The following CSMD1 variants were observed in gnomAD, a reference collection of about 807,000 sequenced individuals.
CSMD1 encodes the protein CUB and sushi domain-containing protein 1.
A neutral mutation model predicts 417.5 loss-of-function variants in CSMD1; 213 were observed. The ratio of observed to expected loss-of-function variants is 0.51; its 90% confidence interval spans 0.46 to 0.57. The LOEUF (loss-of-function observed/expected upper bound fraction) is 0.57, where lower values mean the gene tolerates loss of function less well. Ranked by LOEUF, CSMD1 falls within the 20% of genes least tolerant of loss-of-function variation. CSMD1 has a pLI of 0.00. For missense variants in CSMD1, 6,923 were observed against 4,529.7 expected (o/e 1.53, Z -15.17); for synonymous variants, 2,862 against 1,736.8 (o/e 1.65, Z -16.11).
In CSMD1 at chr8:4,389,579, A is replaced by C. The variant is rs931203480; in HGVS notation, c.415+30374T>G. On this transcript the variant is annotated intron_variant, in intron 3 of 69. Coordinates refer to ENST00000635120, the MANE Select transcript of CSMD1 (RefSeq NM_033225.6). The stretch of plus-strand genomic sequence containing the variant: ...TTTATCAAAAGAACAAGAGATGTTT[A>C]AGAAATAAAACATTTCAAGTGAAGT... Among the ~76,000 whole-genome samples, 9 of 152,318 alleles carry C rather than the reference A, an allele frequency of 5.9e-5. No homozygotes were observed. The South Asian group carries it at 1.2e-3, about 21-fold the overall frequency.
intron 3 of CSMD1, among the ~76,000 whole-genome samples, chr8:4,303,250 C>G (rs1313504869): frequency 1.3e-5 from 2 of 152,044 alleles, no homozygotes; most frequent in African/African-American, 4.8e-5. Flanking sequence ...ATTCTCTACT[C>G]TCATGAAATA....
chr8:4,352,420 T>C (rs1254645722), intron 3 of CSMD1, among the ~76,000 whole-genome samples: 3 of 152,230 alleles, frequency 2.0e-5, no homozygotes, highest in Admixed American at 6.5e-5. Flanking sequence ...CCAGTATAAA[T>C]ATTTCCTTTT....
At chr8:4,433,567 C>T (rs1464516996) in intron 2 of CSMD1, among the ~76,000 whole-genome samples, 1 of 152,114 alleles carries the variant, frequency 6.6e-6, no homozygotes, top group Non-Finnish European at 1.5e-5. Flanking sequence ...ACATGTGCTG[C>T]AACAGAGAGA....
intron 26 of CSMD1, among the ~76,000 whole-genome samples, chr8:3,247,060 G>A (rs547485275): frequency 8.7e-4 from 132 of 152,142 alleles, no homozygotes; most frequent in African/African-American, 3.1e-3. Flanking sequence ...AAGATCTAAG[G>A]GCAGAAGTGA....
intron 10 of CSMD1, among the ~76,000 whole-genome samples, chr8:3,497,964 C>T (rs531966360): frequency 7.2e-5 from 11 of 152,184 alleles, no homozygotes; most frequent in Non-Finnish European, 1.3e-4. Context: ...CTCCCATAAG[C>T]ATTTCTTGTA....
chr8:4,460,029 C>G (rs980385852), intron 2 of CSMD1, among the ~76,000 whole-genome samples: 1 of 152,134 alleles, frequency 6.6e-6, no homozygotes, highest in Non-Finnish European at 1.5e-5. Flanking sequence ...AATGAACAGA[C>G]ATCTACAGAA....
At chr8:3,777,418 G>A (rs1056857899) in intron 5 of CSMD1, among the ~76,000 whole-genome samples, 1 of 152,094 alleles carries the variant, frequency 6.6e-6, no homozygotes, top group African/African-American at 2.4e-5. Flanking sequence ...TGCACCTGGG[G>A]CATCCTGTCA....
intron 3 of CSMD1, among the ~76,000 whole-genome samples, chr8:4,236,430 C>T (rs1236170331): frequency 6.6e-6 from 1 of 152,140 alleles, no homozygotes; most frequent in Non-Finnish European, 1.5e-5. Flanking sequence ...TTTTCTCCTA[C>T]ACCCCGGGTA....
chr8:4,376,034 T>C (rs1282828128), intron 3 of CSMD1, among the ~76,000 whole-genome samples: 1 of 152,162 alleles, frequency 6.6e-6, no homozygotes, highest in Non-Finnish European at 1.5e-5. Context: ...TGCCCGTCTT[T>C]AAGTCTTGAT....
chr8:4,176,338 A>G (rs1668197417), intron 3 of CSMD1, among the ~76,000 whole-genome samples: 1 of 152,060 alleles, frequency 6.6e-6, no homozygotes. Flanking sequence ...CAACCTTTTA[A>G]ATTGAAAATA....
chr8:3,928,748 T>C (rs954337185), intron 5 of CSMD1, among the ~76,000 whole-genome samples: 16 of 150,084 alleles, frequency 1.1e-4, no homozygotes, highest in African/African-American at 3.9e-4. Context: ...GAACCCATTC[T>C]GAAATCAAAG....
intron 2 of CSMD1, among the ~76,000 whole-genome samples, chr8:4,519,186 A>C (rs979262882): frequency 6.6e-6 from 1 of 152,158 alleles, no homozygotes; most frequent in East Asian, 1.9e-4. Context: ...AGGATTCCCT[A>C]ATAAATTACT....
chr8:3,966,077 C>T (rs1451951967), intron 5 of CSMD1, among the ~76,000 whole-genome samples: 1 of 152,092 alleles, frequency 6.6e-6, no homozygotes, highest in African/African-American at 2.4e-5. Context: ...TAACGAATGT[C>T]CAGGAGTAGG....
At chr8:4,662,041 A>G (rs1804640935) in intron 1 of CSMD1, among the ~76,000 whole-genome samples, 1 of 152,204 alleles carries the variant, frequency 6.6e-6, no homozygotes, top group African/African-American at 2.4e-5. Flanking sequence ...ACACAGGTCA[A>G]TGATGTAACT....
In CSMD1 at chr8:4,065,379, G is replaced by A. The variant is rs554822941; in HGVS notation, c.416-33280C>T. On this transcript the variant is annotated intron_variant, in intron 3 of 69. Coordinates refer to ENST00000635120, the MANE Select transcript of CSMD1 (RefSeq NM_033225.6). ...TCATGGATAGTTAGTAAAAGTTTAT[G>A]GTCCTACAGTCTTAAAAATTTTTCA... is the stretch of plus-strand genomic sequence containing the variant. 1.3e-4 allele frequency among the ~76,000 whole-genome samples: 20 copies of A among 152,242 alleles called. No homozygotes were observed. In the South Asian group the frequency reaches 2.9e-3, roughly 22 times the overall value.
At chr8:3,112,117 G>C (rs983930904) in intron 42 of CSMD1, among the ~76,000 whole-genome samples, 1 of 151,762 alleles carries the variant, frequency 6.6e-6, no homozygotes, top group African/African-American at 2.4e-5. Context: ...GACAGGGTCT[G>C]CATCTCCTCC....
At chr8:4,374,138 G>A (rs1156394171) in intron 3 of CSMD1, among the ~76,000 whole-genome samples, 1 of 152,016 alleles carries the variant, frequency 6.6e-6, no homozygotes, top group Non-Finnish European at 1.5e-5. Context: ...CCATCAGCTG[G>A]ATAAGTACGT....
chr8:3,336,539 G>C (rs1807273528), intron 23 of CSMD1, among the ~76,000 whole-genome samples: 2 of 152,200 alleles, frequency 1.3e-5, no homozygotes, highest in African/African-American at 4.8e-5. Flanking sequence ...AAAAAGTGTG[G>C]TGGTTGGGAT....
chr8:4,201,895 G>T (rs534719882), intron 3 of CSMD1, among the ~76,000 whole-genome samples: 1 of 147,510 alleles, frequency 6.8e-6, no homozygotes, highest in Non-Finnish European at 1.5e-5. Flanking sequence ...TTTGGGGGGG[G>T]GGGGCGCTGC....
Sources: gnomAD v4.1 joint callset for allele counts (sites outside exome capture counted in the v4.1 genomes callset) on GRCh38, gnomAD v4.1.1 for gene constraint, MANE v1.5 for transcripts, NCBI Gene and HGNC (gene_info 2026-07-23, HGNC 2026-07-21) for gene names.